FOXP2: variants seen among roughly 807,000 people sequenced by gnomAD.
FOXP2 encodes forkhead box protein P2.
A neutral mutation model predicts 115.8 loss-of-function variants in FOXP2; 12 were observed. The observed-to-expected ratio is 0.10, with a 90% CI of 0.07 to 0.17. The LOEUF is 0.17. FOXP2 is among the 10% of genes least tolerant of loss of function. The pLI is 1.00. For synonymous variants in FOXP2, 328 were observed against 297.7 expected (o/e 1.10, Z -1.05); for missense variants, 629 against 843.5 (o/e 0.75, Z 3.15).
At chr7:114,132,869 G>A (rs1791929631) in intron 1 of FOXP2, among the ~76,000 whole-genome samples, 1 of 152,064 alleles carries the variant, frequency 6.6e-6, no homozygotes, top group Non-Finnish European at 1.5e-5. Flanking sequence ...AGAGCATAGG[G>A]CCTTTTGGAT....
intron 3 of FOXP2, among the ~76,000 whole-genome samples, chr7:114,599,863 C>T (rs1802928232): frequency 6.6e-6 from 1 of 151,942 alleles, no homozygotes; most frequent in African/African-American, 2.4e-5. Context: ...AATTAATAGA[C>T]TTTAGTTTTT....
intron 3 of FOXP2, among the ~76,000 whole-genome samples, chr7:114,583,413 A>C (rs946558234): frequency 1.3e-5 from 2 of 151,526 alleles, no homozygotes; most frequent in African/African-American, 2.4e-5. Flanking sequence ...TTTCTTTATC[A>C]CTCCACTTTC....
At chr7:114,645,148 ATATATATAT>A (rs1209926850) in intron 8 of FOXP2, 1 of 122,448 alleles carries the variant, frequency 8.2e-6, no homozygotes, top group Non-Finnish European at 1.7e-5. Context: ...ATATATATAT[ATATATATAT>A]ATATATATAT....
chr7:114,303,721 T>C (rs545464793), intron 2 of FOXP2, among the ~76,000 whole-genome samples: 1 of 152,154 alleles, frequency 6.6e-6, no homozygotes, highest in African/African-American at 2.4e-5. Context: ...ATCTCAACTT[T>C]TGGGGCAAGT....
chr7:114,685,313 T>C (rs920646007), intron 16 of FOXP2, among the ~76,000 whole-genome samples: 2 of 152,146 alleles, frequency 1.3e-5, no homozygotes, highest in East Asian at 1.9e-4. Flanking sequence ...CTTTAATACA[T>C]AGTATTAGTT....
intron 2 of FOXP2, among the ~76,000 whole-genome samples, chr7:114,484,116 C>T (rs1462966686): frequency 6.6e-6 from 1 of 151,712 alleles, no homozygotes. Flanking sequence ...GGAAACACCC[C>T]CATTTTCAAA....
At chr7:114,477,414 A>G (rs1407795021) in intron 2 of FOXP2, among the ~76,000 whole-genome samples, 1 of 152,014 alleles carries the variant, frequency 6.6e-6, no homozygotes, top group Admixed American at 6.6e-5. Flanking sequence ...ACAGAAAACT[A>G]AATCCCACAT....
At chr7:114,348,530 AT>A (rs948760057) in intron 2 of FOXP2, among the ~76,000 whole-genome samples, 1 of 150,890 alleles carries the variant, frequency 6.6e-6, no homozygotes, top group African/African-American at 2.4e-5. Context: ...CAATTTTTCT[AT>A]TTTTTTTAAA....
intron 16 of FOXP2, among the ~76,000 whole-genome samples, chr7:114,680,765 GAAGAAAGTAGTGCATAAATTTCAA>G (rs1298747034): frequency 7.3e-5 from 11 of 150,946 alleles, no homozygotes; most frequent in Non-Finnish European, 1.3e-4. Flanking sequence ...AAAAAAAGTT[GAAGAAAGTAGTGCATAAATTTCAA>G]AAGAAAGTAG....
chr7:114,433,129 T>A (rs1230509871), intron 2 of FOXP2, among the ~76,000 whole-genome samples: 1 of 152,018 alleles, frequency 6.6e-6, no homozygotes. Flanking sequence ...GTGACGTTTA[T>A]AATACAACAG....
intron 1 of FOXP2, among the ~76,000 whole-genome samples, chr7:114,175,017 T>C (rs1793250057): frequency 6.6e-6 from 1 of 152,050 alleles, no homozygotes; most frequent in Non-Finnish European, 1.5e-5. Flanking sequence ...TTGGCTGCTC[T>C]CAGACACTAA....
chr7:114,652,312 T>G, intron 9 of FOXP2, 22 bp downstream of exon 9: 1 of 1,606,040 alleles, frequency 6.2e-7, no homozygotes, highest in South Asian at 1.1e-5. Context: ...GCTCACTTAA[T>G]GGACTCTTCT....
intron 1 of FOXP2, among the ~76,000 whole-genome samples, chr7:114,165,920 C>T (rs1792970316): frequency 6.6e-6 from 1 of 152,144 alleles, no homozygotes. Context: ...GAACATAGAT[C>T]ATTGAAACAG....
At chr7:114,291,896 T>TAATATATAGAATATATATTAC (rs1562856881) in intron 2 of FOXP2, among the ~76,000 whole-genome samples, 3 of 139,628 alleles carry the variant, frequency 2.1e-5, no homozygotes, top group African/African-American at 5.4e-5. Context: ...ATATATATTA[T>TAATATATAGAATATATATTAC]AGATAATATA....
chr7:114,264,615 T>A (rs2129171802), intron 1 of FOXP2, among the ~76,000 whole-genome samples: 1 of 152,326 alleles, frequency 6.6e-6, no homozygotes, highest in East Asian at 1.9e-4. Context: ...ATATTTGTAG[T>A]ATTAACCTAT....
chr7:114,190,364 G>A (rs1412923493), intron 1 of FOXP2, among the ~76,000 whole-genome samples: 1 of 152,152 alleles, frequency 6.6e-6, no homozygotes, highest in African/African-American at 2.4e-5. Flanking sequence ...GAAAGGCCAA[G>A]GAAGGATAAA....
intron 2 of FOXP2, among the ~76,000 whole-genome samples, chr7:114,495,667 C>T (rs1040706197): frequency 2.6e-5 from 4 of 151,186 alleles, no homozygotes; most frequent in South Asian, 2.1e-4. Flanking sequence ...CACCATGCTC[C>T]GCTATTTTTT....
intron 1 of FOXP2, among the ~76,000 whole-genome samples, chr7:114,137,097 T>C (rs1050176524): frequency 3.3e-5 from 5 of 152,106 alleles, no homozygotes; most frequent in African/African-American, 4.8e-5. Context: ...ATTAATGAAA[T>C]GACAGCAGCT....
intron 2 of FOXP2, among the ~76,000 whole-genome samples, chr7:114,326,130 G>C (rs1017894050): frequency 6.6e-6 from 1 of 152,072 alleles, no homozygotes; most frequent in African/African-American, 2.4e-5. Context: ...GTAAAATGCA[G>C]ACTATCTGGC....
Sources: gnomAD v4.1 joint callset for allele counts (sites outside exome capture counted in the v4.1 genomes callset) on GRCh38, gnomAD v4.1.1 for gene constraint, MANE v1.5 for transcripts, NCBI Gene and HGNC (gene_info 2026-07-23, HGNC 2026-07-21) for gene names.